The following MSI2 variants were observed in gnomAD, a reference collection of about 807,000 sequenced individuals.
The protein encoded by MSI2 is RNA-binding protein Musashi homolog 2.
Under a neutral mutation model 45.6 loss-of-function variants are expected in MSI2, and 17 were observed. That is an observed-to-expected ratio of 0.37 (90% CI 0.26 to 0.56). The LOEUF (loss-of-function observed/expected upper bound fraction) is 0.56. Among genes scored for constraint, MSI2 ranks in the 20% least tolerant of loss-of-function variants. MSI2 has a pLI of 0.77. For synonymous variants in MSI2, 156 were observed against 158.2 expected (o/e 0.99, Z 0.11); for missense variants, 293 against 444.2 (o/e 0.66, Z 3.06).
chr17:57,551,664 G>T (rs1207430098), intron 7 of MSI2, among the ~76,000 whole-genome samples: 2 of 151,978 alleles, frequency 1.3e-5, no homozygotes, highest in Non-Finnish European at 2.9e-5. Flanking sequence ...CCCACCCACT[G>T]CTGAAGTCTT....
intron 5 of MSI2, among the ~76,000 whole-genome samples, chr17:57,392,272 C>T (rs551038722): frequency 2.6e-5 from 4 of 152,270 alleles, no homozygotes; most frequent in African/African-American, 7.2e-5. Context: ...CCTGTGGCTG[C>T]GGCTTTTTCC....
rs554015992 is a variant in MSI2, at chr17:57,343,984, C to T, written c.313-57395C>T. Among the ~76,000 whole-genome samples, 6 of 152,302 alleles carry T rather than the reference C, an allele frequency of 3.9e-5. No homozygotes were observed. The East Asian group carries it at 1.2e-3, about 29-fold the overall frequency. ...TGATGTCCATCTGCCTCTCTTTGAT[C>T]ACCTGGTCAAGGTGTTGTTAGATTT... On this transcript the variant is annotated intron_variant, in intron 5 of 13. Coordinates refer to ENST00000284073, the MANE Select transcript of MSI2 (RefSeq NM_138962.4).
intron 10 of MSI2, among the ~76,000 whole-genome samples, chr17:57,639,203 A>C (rs1910062549): frequency 6.6e-6 from 1 of 152,196 alleles, no homozygotes; most frequent in Admixed American, 6.5e-5. Context: ...GCAGGGACAT[A>C]AACATTCAGA....
chr17:57,682,791 C>T lies in MSI2; in HGVS notation c.*3274C>T, dbSNP rs1199959051. ...GCTTTTCCCCGGAATTATCAAACAG[C>T]CACCGGGTGACTTTCTGGCTTCCAG... On this transcript the variant is annotated 3_prime_UTR_variant, in exon 14 of 14. Transcript: ENST00000284073. The T allele has an allele frequency of 4.5e-6, 1 of 223,894 alleles. No individual in the cohort carries two copies. Among genetic ancestry groups the T allele is most frequent in the East Asian group, 6.5e-5 (1 of 15,470 alleles). The allele number at this position is 223,894 out of a possible 1,614,324, so 13.9% of individuals were successfully genotyped here.
chr17:57,293,601 T>TTTG (rs1555573456), intron 5 of MSI2, among the ~76,000 whole-genome samples: 5 of 147,236 alleles, frequency 3.4e-5, no homozygotes, highest in South Asian at 2.2e-4. Context: ...TTTTGTTTTT[T>TTTG]TTTTTGTTTT....
At chr17:57,640,263 C>T (rs1048130776) in intron 10 of MSI2, among the ~76,000 whole-genome samples, 1 of 152,188 alleles carries the variant, frequency 6.6e-6, no homozygotes, top group Non-Finnish European at 1.5e-5. Flanking sequence ...CCTGGCCCTC[C>T]GCAAGCCCTT....
At position 57,529,639 on chromosome 17, in the gene MSI2, T is replaced by C; in HGVS notation, c.406-37T>C. On this transcript the variant is annotated intron_variant, in intron 6 of 13. Transcript: ENST00000284073. This position sits in a 1 kb window ranked among gnomAD's most constrained non-coding sequence, Gnocchi z 5.3. ...TAATGTTTTGTGTACTTTCTTAAAA[T>C]TCCTAAGGCAGCCTGTATTCTATAT... is the stretch of plus-strand genomic sequence containing the variant. 6.2e-7 allele frequency: 1 copy of C among 1,606,938 alleles called. No homozygotes were observed. The highest frequency in any genetic ancestry group is 8.5e-7 in the Non-Finnish European group (1 of 1,175,074).
intron 8 of MSI2, among the ~76,000 whole-genome samples, chr17:57,599,529 C>G (rs990795606): frequency 3.9e-5 from 6 of 152,214 alleles, no homozygotes; most frequent in African/African-American, 1.4e-4. Context: ...CCTTCTCTCC[C>G]ACCCAGGTGG....
intron 7 of MSI2, among the ~76,000 whole-genome samples, chr17:57,558,877 A>G (rs563188478): frequency 6.6e-6 from 1 of 152,266 alleles, no homozygotes; most frequent in South Asian, 2.1e-4. Context: ...CCTGGCCAAC[A>G]TGGTGGAACC....
intron 10 of MSI2, among the ~76,000 whole-genome samples, chr17:57,648,337 GC>G (rs2144674866): frequency 6.6e-6 from 1 of 152,276 alleles, no homozygotes; most frequent in Non-Finnish European, 1.5e-5. Flanking sequence ...TCACTGCCAG[GC>G]ATTCATCTAA....
At chr17:57,663,605 G>A (rs2144719176) in intron 11 of MSI2, among the ~76,000 whole-genome samples, 1 of 152,316 alleles carries the variant, frequency 6.6e-6, no homozygotes, top group South Asian at 2.1e-4. Flanking sequence ...AAAGGTGGCG[G>A]CAGCGTCACC....
At chr17:57,613,322 A>G (rs897987433) in intron 8 of MSI2, among the ~76,000 whole-genome samples, 1 of 152,184 alleles carries the variant, frequency 6.6e-6, no homozygotes, top group Non-Finnish European at 1.5e-5. Flanking sequence ...TCCCGCTTGC[A>G]GTTAAAGAAA....
At chr17:57,478,587 G>T (rs546630416) in intron 6 of MSI2, among the ~76,000 whole-genome samples, 60 of 152,336 alleles carry the variant, frequency 3.9e-4, no homozygotes, top group African/African-American at 1.3e-3. Flanking sequence ...TCCAAGGCCA[G>T]CACTGATGTC....
intron 5 of MSI2, among the ~76,000 whole-genome samples, chr17:57,393,639 G>A (rs866923354): frequency 2.0e-5 from 3 of 152,118 alleles, no homozygotes; most frequent in Admixed American, 6.5e-5. Context: ...ACTAAGGAGC[G>A]GAATTGCTGG....
rs9898601 is a variant in MSI2, at chr17:57,320,261, C to G, written c.312+58069C>G. Among the ~76,000 whole-genome samples, 634 of 152,292 alleles carry G rather than the reference C, an allele frequency of 4.2e-3. 3 individuals are homozygous for G. The highest frequency in any genetic ancestry group is 0.014 in the African/African-American group (600 of 41,558). The stretch of plus-strand genomic sequence containing the variant: ...GTCTCTCTTGAGAGGACTGGAAATG[C>G]ATCTTTGGGTGGAGGTTGATCTGTA... On this transcript the variant is annotated intron_variant, in intron 5 of 13. Coordinates refer to ENST00000284073, the MANE Select transcript of MSI2 (RefSeq NM_138962.4).
chr17:57,340,327 G>A (rs1915024804), intron 5 of MSI2, among the ~76,000 whole-genome samples: 1 of 152,046 alleles, frequency 6.6e-6, no homozygotes, highest in East Asian at 1.9e-4. Flanking sequence ...TAACCCTTTT[G>A]CCAGTACAGC....
chr17:57,667,448 CGAAGCCTGGTCTGGT>C (rs1912450976), intron 11 of MSI2, among the ~76,000 whole-genome samples: 1 of 152,142 alleles, frequency 6.6e-6, no homozygotes, highest in African/African-American at 2.4e-5. Context: ...GTTTGAGACT[CGAAGCCTGGTCTGGT>C]GAAGCCTGGC....
chr17:57,417,773 C>T (rs1361221370), intron 6 of MSI2, among the ~76,000 whole-genome samples: 1 of 152,166 alleles, frequency 6.6e-6, no homozygotes, highest in Admixed American at 6.6e-5. Context: ...TCAGGTGCAC[C>T]TGGGACAGAA....
chr17:57,529,053 A>G lies in MSI2; in HGVS notation c.406-623A>G, dbSNP rs942001453. Among the ~76,000 whole-genome samples, 2 of 152,232 alleles carry G rather than the reference A, an allele frequency of 1.3e-5. No individual in the cohort carries two copies. The highest frequency in any genetic ancestry group is 3.8e-4 in the East Asian group (2 of 5,206). Reference sequence around the variant, plus strand: ...ACCTGGAAATTGTTTGCCATATTGTAATGTTACAGGTTAACAAAAGGACAA... The same window carrying G: ...ACCTGGAAATTGTTTGCCATATTGTGATGTTACAGGTTAACAAAAGGACAA... On this transcript the variant is annotated intron_variant, in intron 6 of 13. Transcript: ENST00000284073. This position sits in a 1 kb window ranked among gnomAD's most constrained non-coding sequence, Gnocchi z 5.3.
Sources: allele counts gnomAD v4.1 joint callset (sites outside exome capture counted in the v4.1 genomes callset), GRCh38; gene constraint gnomAD v4.1.1; non-coding constraint Gnocchi (gnomAD v3.1); transcripts MANE v1.5; gene names NCBI Gene and HGNC (gene_info 2026-07-23, HGNC 2026-07-21).